The following HSPA12A variants were observed in gnomAD, a reference collection of about 807,000 sequenced individuals.
The protein encoded by HSPA12A is heat shock 70 kDa protein 12A.
HSPA12A carries 28 observed loss-of-function variants against 69.2 expected under a neutral mutation model. That is an observed-to-expected ratio of 0.40 (90% CI 0.30 to 0.55). The LOEUF (loss-of-function observed/expected upper bound fraction) is 0.55, where lower values mean the gene tolerates loss of function less well. HSPA12A is among the 20% of genes least tolerant of loss of function. The pLI is 0.38. For missense variants in HSPA12A, 686 were observed against 900.7 expected (o/e 0.76, Z 3.05); for synonymous variants, 345 against 370.5 (o/e 0.93, Z 0.79).
At chr10:116,839,620 A>C (rs1372732080) in intron 1 of HSPA12A, among the ~76,000 whole-genome samples, 3 of 151,798 alleles carry the variant, frequency 2.0e-5, no homozygotes, top group Non-Finnish European at 2.9e-5. Flanking sequence ...AAAAAAAAAA[A>C]AAAAAAAAAA....
intron 2 of HSPA12A, among the ~76,000 whole-genome samples, chr10:116,782,600 C>CA (rs1463563906): frequency 6.6e-6 from 1 of 152,034 alleles, no homozygotes; most frequent in Non-Finnish European, 1.5e-5. Context: ...AAGCAAGTCA[C>CA]AAAAAAATGC....
intron 1 of HSPA12A, among the ~76,000 whole-genome samples, chr10:116,709,446 C>CAA (rs543929917): frequency 0.012 from 809 of 69,294 alleles, 12 homozygotes; most frequent in African/African-American, 0.039. Context: ...GACTCCATCT[C>CAA]AAAAAAAAAA....
intron 1 of HSPA12A, among the ~76,000 whole-genome samples, chr10:116,711,681 T>TTTC (rs1221376838): frequency 6.7e-6 from 1 of 149,554 alleles, no homozygotes; most frequent in Non-Finnish European, 1.5e-5. Context: ...TTTTTTTTTT[T>TTTC]CGAGACTGAG....
rs1554880298 is a variant in HSPA12A, at chr10:116,692,607, C to G, written c.547-140G>C. The G allele has an allele frequency of 4.5e-6, 3 of 672,262 alleles. No homozygotes were observed. The South Asian group carries it at 5.3e-5, about 12-fold the overall frequency. 41.6% of individuals were successfully genotyped at this position (672,262 alleles called of 1,614,324 possible). ...CAGGGTCCCCCAAACTTACCAGCAT[C>G]AGAGAGCAAAGATCTGTTTCCTGAA... On this transcript the variant is annotated intron_variant, in intron 5 of 11. Coordinates refer to ENST00000369209, the MANE Select transcript of HSPA12A (RefSeq NM_025015.3).
chr10:116,722,432 C>T (rs1396092174), intron 1 of HSPA12A, among the ~76,000 whole-genome samples: 4 of 152,212 alleles, frequency 2.6e-5, no homozygotes, highest in Admixed American at 2.6e-4. Flanking sequence ...TCTCTCTCCA[C>T]AGACCTAGTC....
chr10:116,791,626 A>G (rs1251261170), intron 2 of HSPA12A, among the ~76,000 whole-genome samples: 2 of 152,182 alleles, frequency 1.3e-5, no homozygotes, highest in Non-Finnish European at 2.9e-5. Context: ...CTTATTACTA[A>G]TTAGTAATTC....
intron 1 of HSPA12A, among the ~76,000 whole-genome samples, chr10:116,838,101 C>G (rs116609326): frequency 1.3e-5 from 2 of 152,180 alleles, no homozygotes; most frequent in Non-Finnish European, 2.9e-5. Flanking sequence ...AGATAGTAAG[C>G]GGTAAATTAC....
At chr10:116,836,852 C>A (rs1381538746) in intron 1 of HSPA12A, among the ~76,000 whole-genome samples, 1 of 151,832 alleles carries the variant, frequency 6.6e-6, no homozygotes, top group Non-Finnish European at 1.5e-5. Flanking sequence ...GAAAGAAATT[C>A]TTTTCTTCAT....
intron 2 of HSPA12A, among the ~76,000 whole-genome samples, chr10:116,809,549 T>G (rs1845133571): frequency 6.6e-6 from 1 of 152,248 alleles, no homozygotes; most frequent in African/African-American, 2.4e-5. Flanking sequence ...GCCCATGGCC[T>G]GGCACACAGG....
intron 2 of HSPA12A, chr10:116,830,774 A>G (rs1385119016): frequency 6.6e-6 from 1 of 152,162 alleles, no homozygotes; most frequent in Non-Finnish European, 1.5e-5. Context: ...CCCTGTCTCA[A>G]AAAATAAATG....
At chr10:116,747,957 C>T in intron 2 of HSPA12A, among the ~76,000 whole-genome samples, 1 of 152,106 alleles carries the variant, frequency 6.6e-6, no homozygotes, top group East Asian at 1.9e-4. Context: ...CAAGTTTGCA[C>T]CACTGCACTC....
chr10:116,778,109 G>A (rs1456555347), intron 2 of HSPA12A, among the ~76,000 whole-genome samples: 1 of 152,168 alleles, frequency 6.6e-6, no homozygotes, highest in Non-Finnish European at 1.5e-5. Context: ...CTCAGGAGGA[G>A]CCGCACATCA....
At chr10:116,705,732 G>T (rs188731120) in intron 2 of HSPA12A, among the ~76,000 whole-genome samples, 52 of 152,254 alleles carry the variant, frequency 3.4e-4, no homozygotes, top group African/African-American at 1.2e-3. Context: ...CTCCATCTGT[G>T]CTGGCATTTC....
At chr10:116,820,692 C>A (rs1032344530) in intron 2 of HSPA12A, among the ~76,000 whole-genome samples, 10 of 152,202 alleles carry the variant, frequency 6.6e-5, no homozygotes, top group African/African-American at 2.4e-4. Context: ...CCCATCTACA[C>A]TCTTTCCTTG....
intron 1 of HSPA12A, among the ~76,000 whole-genome samples, chr10:116,841,702 T>G (rs1359700703): frequency 6.6e-6 from 1 of 152,106 alleles, no homozygotes; most frequent in Non-Finnish European, 1.5e-5. Flanking sequence ...TGATTTTATT[T>G]GCTAAAAAAA....
intron 2 of HSPA12A, among the ~76,000 whole-genome samples, chr10:116,779,960 G>A (rs1169811554): frequency 2.6e-5 from 4 of 152,154 alleles, no homozygotes; most frequent in African/African-American, 9.7e-5. Flanking sequence ...GGCCGGCCCT[G>A]AAGGAGCTTC....
In HSPA12A at chr10:116,800,930, G is replaced by C. The variant is rs371900490; in HGVS notation, c.91+34005C>G. On this transcript the variant is annotated intron_variant, in intron 2 of 12. Transcript: ENST00000635765. The stretch of plus-strand genomic sequence containing the variant: ...GGGGGTGCTGGGGGCAGGGGCGACA[G>C]AGCAGAAGGGCTTCGAAAATCACAT... Among the ~76,000 whole-genome samples, 5 of 152,230 alleles carry C rather than the reference G, an allele frequency of 3.3e-5. No homozygotes were observed. The East Asian group carries it at 9.6e-4, about 29-fold the overall frequency.
Position 116,679,605 on chromosome 10 carries a change from G to C in HSPA12A, c.1184C>G (p.Pro395Arg), listed in dbSNP as rs1554878278. Reference sequence around the variant, plus strand: ...GATGTTCAGCGGGTTAGTTCTGTCTGGGGCAGCCGCCCTTTTGCGAGACTC... The same window carrying C: ...GATGTTCAGCGGGTTAGTTCTGTCTCGGGCAGCCGCCCTTTTGCGAGACTC... Reference protein sequence around the residue: ...AFESRKRAAAPDRTNPLNITL... With the variant: ...AFESRKRAAARDRTNPLNITL... Residue 395 changes from proline (P) to arginine (R), a missense_variant, in exon 10 of 12, where the codon CCA becomes CGA. Transcript: ENST00000369209. The C allele has an allele frequency of 6.2e-7, 1 of 1,614,246 alleles. No individual in the cohort carries two copies. The highest frequency in any genetic ancestry group is 8.5e-7 in the Non-Finnish European group (1 of 1,180,040).
chr10:116,691,447 G>T (rs919320468), intron 6 of HSPA12A, among the ~76,000 whole-genome samples: 2 of 152,164 alleles, frequency 1.3e-5, no homozygotes, highest in Admixed American at 1.3e-4. Context: ...TGGGCAGGAT[G>T]CTTCCTGAGA....
Sources: gnomAD v4.1 joint callset for allele counts (sites outside exome capture counted in the v4.1 genomes callset) on GRCh38, gnomAD v4.1.1 for gene constraint, MANE v1.5 for transcripts, NCBI Gene and HGNC (gene_info 2026-07-23, HGNC 2026-07-21) for gene names.